Variants in GCKR observed in about 807,000 individuals in gnomAD.
The protein encoded by GCKR is glucokinase regulator, also known as glucokinase regulatory protein.
Under a neutral mutation model 82.9 loss-of-function variants are expected in GCKR, and 73 were observed. The ratio of observed to expected loss-of-function variants is 0.88; its 90% CI spans 0.73 to 1.07. GCKR has a LOEUF of 1.07. GCKR is among the 50% of genes least tolerant of loss of function. GCKR has a pLI of 0.00. For synonymous variants in GCKR, 294 were observed against 291.8 expected, an observed-to-expected ratio of 1.01 and a Z score of -0.08; for missense variants, 784 against 782.1, an observed-to-expected ratio of 1.00 and a Z score of -0.03.
In GCKR at chr2:27,501,182, T is replaced by C. The variant is rs1322302051; in HGVS notation, c.597T>C (p.Ala199=). ...GQMDCCMNNT[A]VFLPVLVGFN... ...TGGACTGCTGCATGAACAACACAGC[T>C]GTCTTCTTGCCAGTCCTGGTTGGCT... is the stretch of plus-strand genomic sequence containing the variant. The change falls in exon 8 of 19, where the codon GCT becomes GCC. Residue 199 remains alanine, a synonymous_variant. Coordinates refer to ENST00000264717, the MANE Select transcript of GCKR (RefSeq NM_001486.4). 3.1e-6 allele frequency: 5 copies of C among 1,614,130 alleles called. 1 individual carries two copies. The highest frequency in any genetic ancestry group is 1.3e-5 in the African/African-American group (1 of 75,058).
chr2:27,499,188 G>A lies in GCKR; in HGVS notation c.475G>A (p.Gly159Arg), dbSNP rs758692756. The part of the protein sequence containing the change: ...REGTEDSALH[G>R]IEELKKVAAG... Reference sequence around the variant, plus strand: ...GGGGACAGAAGATAGTGCCTTGCACGGGATTGAGGAACTGAAGAAGGTCTG... The same window carrying A: ...GGGGACAGAAGATAGTGCCTTGCACAGGATTGAGGAACTGAAGAAGGTCTG... Residue 159 changes from glycine (G) to arginine (R), a missense_variant, in exon 6 of 19, where the codon GGG (glycine) becomes AGG (arginine). Transcript: ENST00000264717. 12 of 1,610,576 alleles carry A rather than the reference G, an allele frequency of 7.5e-6. No homozygotes were observed. The highest frequency in any genetic ancestry group is 1.7e-4 in the Middle Eastern group (1 of 5,888).
chr2:27,509,581 A>T (rs1669829857), intron 16 of GCKR: 1 of 434,458 alleles, frequency 2.3e-6, no homozygotes, highest in Non-Finnish European at 4.7e-6. Context: ...GACTCAAGTG[A>T]TCCACCCGCC....
Position 27,499,223 on chromosome 2 carries a change from C to T in GCKR, c.495+15C>T. Reference sequence around the variant, plus strand: ...AACTGAAGAAGGTCTGTGCTTTTCACTGACATTGACCAGAGACCTCTATCT... The same window carrying T: ...AACTGAAGAAGGTCTGTGCTTTTCATTGACATTGACCAGAGACCTCTATCT... On this transcript the variant is annotated intron_variant, in intron 6 of 18. Transcript: ENST00000264717. 6.3e-7 allele frequency: 1 copy of T among 1,580,300 alleles called. No individual in the cohort carries two copies. The highest frequency in any genetic ancestry group is 8.7e-7 in the Non-Finnish European group (1 of 1,149,462).
At chr2:27,515,628 GTTTCTTTT>G (rs1669983252) in intron 16 of GCKR, among the ~76,000 whole-genome samples, 2 of 151,490 alleles carry the variant, frequency 1.3e-5, no homozygotes, top group Admixed American at 6.6e-5. Context: ...AGTAGAGATG[GTTTCTTTT>G]TTTCTTTTTT....
intron 16 of GCKR, among the ~76,000 whole-genome samples, chr2:27,516,671 A>C (rs1670018681): frequency 6.6e-6 from 1 of 152,014 alleles, no homozygotes; most frequent in Non-Finnish European, 1.5e-5. Context: ...AATGTGTCGC[A>C]CTCCAAATTT....
chr2:27,523,402 C>A lies in GCKR; in HGVS notation c.1841C>A (p.Ala614Glu), dbSNP rs773536930. The part of the protein sequence containing the change: ...ALAGPGQKRT[A>E]DPLEILEPDV... Reference sequence around the variant, plus strand: ...GCTGGGCCAGGTCAGAAGCGCACTGCGGACCCCCTCGAGATCCTAGAGCCT... The same window carrying A: ...GCTGGGCCAGGTCAGAAGCGCACTGAGGACCCCCTCGAGATCCTAGAGCCT... Residue 614 changes from alanine to glutamate, a missense_variant, in exon 19 of 19, where the codon GCG (alanine) becomes GAG (glutamate). Coordinates refer to ENST00000264717, the MANE Select transcript of GCKR (RefSeq NM_001486.4). 3 of 1,610,198 alleles carry A rather than the reference C, an allele frequency of 1.9e-6. No individual in the cohort carries two copies. The highest frequency in any genetic ancestry group is 2.7e-5 in the African/African-American group (2 of 74,906).
At chr2:27,508,916 A>G (rs140301697) in intron 16 of GCKR, among the ~76,000 whole-genome samples, 328 of 151,980 alleles carry the variant, frequency 2.2e-3, no homozygotes, top group Non-Finnish European at 3.4e-3. Context: ...CATTGCAGAT[A>G]ACTTTATGTG....
Position 27,498,266 on chromosome 2 carries a change from G to T in GCKR, c.297G>T (p.Gly99=). 1 of 1,613,238 alleles carries T rather than the reference G, an allele frequency of 6.2e-7. No homozygotes were observed. Among genetic ancestry groups the T allele is most frequent in the Non-Finnish European group, 8.5e-7 (1 of 1,179,250 alleles). ...KVQEVLKEPD[G]GLVVLSGGGT... is the part of the protein sequence containing the mutation. Reference sequence around the variant, plus strand: ...CTTTCCTTCTTCAGGAGCCAGATGGGGGGCTGGTTGTGCTGAGTGGAGGGG... The same window carrying T: ...CTTTCCTTCTTCAGGAGCCAGATGGTGGGCTGGTTGTGCTGAGTGGAGGGG... Residue 99 remains glycine (G), a synonymous_variant, in exon 4 of 19, where the codon GGG becomes GGT. Coordinates refer to ENST00000264717, the MANE Select transcript of GCKR (RefSeq NM_001486.4).
intron 9 of GCKR, 140 bp downstream of exon 9, chr2:27,503,759 A>C: frequency 1.5e-6 from 1 of 674,048 alleles, no homozygotes; most frequent in Non-Finnish European, 2.7e-6. Flanking sequence ...AAAATGTTAT[A>C]AACCAAATCC....
At chr2:27,504,845 G>T (rs113506761) in intron 9 of GCKR, among the ~76,000 whole-genome samples, 5 of 152,106 alleles carry the variant, frequency 3.3e-5, no homozygotes, top group African/African-American at 1.2e-4. Flanking sequence ...ACACTCTCTG[G>T]TCTGGGTGTA....
At chr2:27,498,913 C>G (rs919421826) in intron 5 of GCKR, 116 bp downstream of exon 5, 2 of 761,742 alleles carry the variant, frequency 2.6e-6, no homozygotes, top group East Asian at 5.2e-5. Context: ...CTCACCATTC[C>G]TTATTCCCTC....
rs1368112504 is a variant in GCKR, at chr2:27,522,607, C to G, written c.1707+13C>G. 6.2e-7 allele frequency: 1 copy of G among 1,607,732 alleles called. No individual in the cohort carries two copies. The highest frequency in any genetic ancestry group is 1.3e-5 in the African/African-American group (1 of 74,922). On this transcript the variant is annotated intron_variant, in intron 18 of 18. Transcript: ENST00000264717. ...TGAGAAGGAACAGGTATCCTGCCCA[C>G]TGCTGGTCATTCAACAAATACTTTT...
chr2:27,517,562 G>T lies in GCKR; in HGVS notation c.1423-1226G>T, dbSNP rs146713758. ...CCCATGATTCAATTACCTCCACCTG[G>T]TCTCTCTCTTGACACATGGGGATTA... On this transcript the variant is annotated intron_variant, in intron 16 of 18. Coordinates refer to ENST00000264717, the MANE Select transcript of GCKR (RefSeq NM_001486.4). Among the ~76,000 whole-genome samples, 91 of 152,240 alleles carry T rather than the reference G, an allele frequency of 6.0e-4. 1 individual carries two copies. Among genetic ancestry groups the T allele is most frequent in the African/African-American group, 2.1e-3 (88 of 41,532 alleles).
intron 16 of GCKR, among the ~76,000 whole-genome samples, chr2:27,517,411 C>A (rs182840200): frequency 2.0e-5 from 3 of 152,138 alleles, no homozygotes; most frequent in Non-Finnish European, 4.4e-5. Flanking sequence ...GGAAGTAAGG[C>A]ATCTTCTTCC....
At chr2:27,520,211 C>G (rs1670117224) in intron 17 of GCKR, among the ~76,000 whole-genome samples, 1 of 151,922 alleles carries the variant, frequency 6.6e-6, no homozygotes, top group Non-Finnish European at 1.5e-5. Context: ...CCCACCAGGT[C>G]CCCAAAATAA....
At chr2:27,506,172 C>T (rs1245966547) in intron 10 of GCKR, among the ~76,000 whole-genome samples, 2 of 152,150 alleles carry the variant, frequency 1.3e-5, no homozygotes, top group Non-Finnish European at 2.9e-5. Context: ...CTGGACCTGC[C>T]TCCCTCTCCA....
chr2:27,512,275 C>T (rs1305427066), intron 16 of GCKR, among the ~76,000 whole-genome samples: 3 of 141,722 alleles, frequency 2.1e-5, no homozygotes, highest in Admixed American at 7.4e-5. Context: ...TGGTGGCTCA[C>T]GCCTACAATC....
chr2:27,501,364 T>C, intron 8 of GCKR, 135 bp downstream of exon 8: 1 of 726,462 alleles, frequency 1.4e-6, no homozygotes, highest in Non-Finnish European at 2.5e-6. Context: ...AAATATGGGG[T>C]GCCCCTAAGC....
intron 7 of GCKR, among the ~76,000 whole-genome samples, chr2:27,500,369 C>T (rs575181218): frequency 1.1e-4 from 16 of 152,300 alleles, no homozygotes; most frequent in Non-Finnish European, 1.5e-4. Context: ...AACTCCTGAC[C>T]TCAAGTGATC....
Sources: gnomAD v4.1 joint callset for allele counts (sites outside exome capture counted in the v4.1 genomes callset) on GRCh38, gnomAD v4.1.1 for gene constraint, MANE v1.5 for transcripts, NCBI Gene and HGNC (gene_info 2026-07-23, HGNC 2026-07-21) for gene names.